GRHL2: variants seen among roughly 807,000 people sequenced by gnomAD.
GRHL2 encodes the protein grainyhead like transcription factor 2.
A neutral mutation model predicts 83.8 loss-of-function variants in GRHL2; 21 were observed. The ratio of observed to expected loss-of-function variants is 0.25; its 90% CI spans 0.18 to 0.36. GRHL2 has a LOEUF of 0.36. Ranked by LOEUF, GRHL2 falls within the 10% of genes least tolerant of loss-of-function variation. The pLI is 1.00. For synonymous variants in GRHL2, 280 were observed against 278.9 expected (o/e 1.00, Z -0.04); for missense variants, 623 against 781.8 (o/e 0.80, Z 2.42).
At chr8:101,658,601 C>T (rs1224738555) in intron 14 of GRHL2, among the ~76,000 whole-genome samples, 1 of 152,198 alleles carries the variant, frequency 6.6e-6, no homozygotes, top group African/African-American at 2.4e-5. Flanking sequence ...TTCTGACTTA[C>T]ATCAGTTGAT....
At chr8:101,564,205 G>C (rs763056647) in intron 4 of GRHL2, among the ~76,000 whole-genome samples, 2 of 152,130 alleles carry the variant, frequency 1.3e-5, no homozygotes, top group Non-Finnish European at 2.9e-5. Flanking sequence ...TTTCAGCCTG[G>C]TGTAAATTAA....
chr8:101,585,821 G>T (rs986909585), intron 7 of GRHL2, among the ~76,000 whole-genome samples: 2 of 152,120 alleles, frequency 1.3e-5, no homozygotes, highest in African/African-American at 4.8e-5. Flanking sequence ...AATCATAATT[G>T]AGCCACTGTG....
chr8:101,581,285 G>T (rs59578692), intron 7 of GRHL2, among the ~76,000 whole-genome samples: 5 of 152,172 alleles, frequency 3.3e-5, no homozygotes, highest in Admixed American at 2.6e-4. Flanking sequence ...GCAGGAGTTG[G>T]GGGCAGGGGA....
intron 4 of GRHL2, among the ~76,000 whole-genome samples, chr8:101,568,586 G>GTTT (rs886607107): frequency 6.9e-6 from 1 of 144,898 alleles, no homozygotes; most frequent in Non-Finnish European, 1.5e-5. Context: ...CTGTATTTTA[G>GTTT]TTTTTTTTTT....
At chr8:101,623,847 G>GTTTACAGTACACAGTAGGACAC (rs1813015457) in intron 9 of GRHL2, among the ~76,000 whole-genome samples, 1 of 151,360 alleles carries the variant, frequency 6.6e-6, no homozygotes, top group African/African-American at 2.4e-5. Context: ...CAGTAGGACA[G>GTTTACAGTACACAGTAGGACAC]TTTACAATAC....
chr8:101,508,983 TGA>T (rs1369738583), intron 1 of GRHL2, among the ~76,000 whole-genome samples: 1 of 152,082 alleles, frequency 6.6e-6, no homozygotes, highest in Non-Finnish European at 1.5e-5. Context: ...CAAGACAGTG[TGA>T]GTCTTCAAAT....
At chr8:101,568,743 AT>A (rs1012083780) in intron 4 of GRHL2, among the ~76,000 whole-genome samples, 1 of 152,122 alleles carries the variant, frequency 6.6e-6, no homozygotes, top group African/African-American at 2.4e-5. Context: ...TGATTACCTA[AT>A]TTATTGCAAA....
intron 1 of GRHL2, among the ~76,000 whole-genome samples, chr8:101,534,970 T>G (rs1228409607): frequency 6.6e-6 from 1 of 152,210 alleles, no homozygotes. Context: ...CTACTCTGTG[T>G]CTAGTGCTCT....
intron 14 of GRHL2, among the ~76,000 whole-genome samples, chr8:101,663,947 T>TAAAGG (rs1813984726): frequency 6.6e-6 from 1 of 152,144 alleles, no homozygotes; most frequent in African/African-American, 2.4e-5. Flanking sequence ...TGTGTTGTTT[T>TAAAGG]TATTAACCTT....
chr8:101,527,904 T>C (rs980440370), intron 1 of GRHL2, among the ~76,000 whole-genome samples: 1 of 152,210 alleles, frequency 6.6e-6, no homozygotes, highest in Non-Finnish European at 1.5e-5. Flanking sequence ...GGCTGGCAGT[T>C]TCTAGTTCTG....
At chr8:101,599,717 T>C (rs1013488266) in intron 8 of GRHL2, among the ~76,000 whole-genome samples, 2 of 152,160 alleles carry the variant, frequency 1.3e-5, no homozygotes, top group African/African-American at 4.8e-5. Flanking sequence ...GGTTAAGAAG[T>C]ACAAAGGTAA....
intron 5 of GRHL2, among the ~76,000 whole-genome samples, chr8:101,571,311 A>G (rs1233515018): frequency 6.6e-6 from 1 of 152,166 alleles, no homozygotes; most frequent in African/African-American, 2.4e-5. Flanking sequence ...AGAACATTCC[A>G]GGTAAAAGAG....
intron 7 of GRHL2, among the ~76,000 whole-genome samples, chr8:101,598,673 A>G (rs867378264): frequency 1.4e-5 from 2 of 147,940 alleles, no homozygotes; most frequent in Non-Finnish European, 3.0e-5. Flanking sequence ...AAAAAATTCC[A>G]TATGAAGTAC....
intron 1 of GRHL2, among the ~76,000 whole-genome samples, chr8:101,535,742 G>A (rs1053758102): frequency 2.0e-4 from 30 of 152,060 alleles, no homozygotes; most frequent in African/African-American, 7.2e-4. Context: ...GTTTCACCAA[G>A]TTGGCCAGGC....
chr8:101,559,491 C>A (rs909004110), intron 4 of GRHL2, among the ~76,000 whole-genome samples: 1 of 152,012 alleles, frequency 6.6e-6, no homozygotes, highest in Non-Finnish European at 1.5e-5. Flanking sequence ...GATCATGCCA[C>A]TGCACTCCAG....
At chr8:101,548,532 A>G (rs1262943711) in intron 2 of GRHL2, among the ~76,000 whole-genome samples, 1 of 152,210 alleles carries the variant, frequency 6.6e-6, no homozygotes, top group Non-Finnish European at 1.5e-5. Flanking sequence ...AGGGGAGTTC[A>G]TAACAAGGGT....
In GRHL2 at chr8:101,631,744, A is replaced by G; in HGVS notation, c.1345+20A>G. Reference sequence around the variant, plus strand: ...ACAGCTGTGAGTTTCACTGAGACTAATGTTGCTTTCTAAAGACTCCAGGTG... The same window carrying G: ...ACAGCTGTGAGTTTCACTGAGACTAGTGTTGCTTTCTAAAGACTCCAGGTG... On this transcript the variant is annotated intron_variant, in intron 10 of 15. Coordinates refer to ENST00000646743, the MANE Select transcript of GRHL2 (RefSeq NM_024915.4). The G allele has an allele frequency of 6.3e-7, 1 of 1,599,248 alleles. No homozygotes were observed. Among genetic ancestry groups the G allele is most frequent in the Middle Eastern group, 1.7e-4 (1 of 6,036 alleles).
At chr8:101,492,857 ATGTTTT>A (rs1454337443) in intron 1 of GRHL2, 68 bp downstream of exon 1, 108 of 1,464,038 alleles carry the variant, frequency 7.4e-5, no homozygotes, top group Middle Eastern at 3.5e-4. Context: ...CTGGTTTGTT[ATGTTTT>A]TGTTTTTAAG....
intron 4 of GRHL2, among the ~76,000 whole-genome samples, chr8:101,561,122 C>G (rs534257204): frequency 6.6e-4 from 99 of 148,924 alleles, no homozygotes; most frequent in Admixed American, 3.5e-3. Context: ...AGTTTCATGT[C>G]TTTCATGTAG....
Sources: allele counts gnomAD v4.1 joint callset (sites outside exome capture counted in the v4.1 genomes callset), GRCh38; gene constraint gnomAD v4.1.1; transcripts MANE v1.5; gene names NCBI Gene and HGNC (gene_info 2026-07-23, HGNC 2026-07-21).